Variants in CPNE3 observed in about 807,000 individuals in gnomAD.
The protein encoded by CPNE3 is copine-3.
CPNE3 carries 68 observed loss-of-function variants against 63.9 expected under a neutral mutation model. The observed-to-expected ratio is 1.06, with a 90% CI of 0.87 to 1.30. The LOEUF (loss-of-function observed/expected upper bound fraction) is 1.30. CPNE3 is among the 50% of genes most tolerant of loss of function. The probability of loss-of-function intolerance (pLI) is 0.00; values close to 1 mark genes in which losing one functional copy is unlikely to be tolerated. For missense variants in CPNE3, 665 were observed against 578.1 expected, an observed-to-expected ratio of 1.15 and a Z score of -1.54; for synonymous variants, 219 against 197.5, an observed-to-expected ratio of 1.11 and a Z score of -0.91.
At chr8:86,557,415 C>T (rs761496284) in intron 16 of CPNE3, among the ~76,000 whole-genome samples, 2 of 152,262 alleles carry the variant, frequency 1.3e-5, no homozygotes, top group East Asian at 3.9e-4. Flanking sequence ...GGATTACAGC[C>T]GTGTGCCACC....
Position 86,546,583 on chromosome 8 carries a change from C to T in CPNE3, c.733-12C>T, listed in dbSNP as rs375478922. The T allele has an allele frequency of 2.9e-5, 47 of 1,606,064 alleles. No homozygotes were observed. In the African/African-American group the frequency reaches 5.8e-4, roughly 20 times the overall value. On this transcript the variant is annotated splice_polypyrimidine_tract_variant and intron_variant, in intron 9 of 16. Coordinates refer to ENST00000517490, the MANE Select transcript of CPNE3 (RefSeq NM_003909.5). ...TAATAAAAAGTAACATTTTTGTCTT[C>T]TCTTCCTACAGGTTGAATTTGAATG...
chr8:86,546,742 C>T (rs773433754), intron 10 of CPNE3, 61 bp downstream of exon 10: 94 of 1,533,958 alleles, frequency 6.1e-5, no homozygotes, highest in Non-Finnish European at 7.6e-5. Flanking sequence ...GCTGGAGCCT[C>T]GCTCTGTTGC....
intron 7 of CPNE3, 32 bp downstream of exon 7, chr8:86,537,678 G>T: frequency 8.3e-7 from 1 of 1,211,428 alleles, no homozygotes; most frequent in Non-Finnish European, 1.2e-6. Context: ...GCAGAGTGGA[G>T]GTGTTCTTTG....
In CPNE3 at chr8:86,558,338, G is replaced by A. The variant is rs1821366724; in HGVS notation, c.1542G>A (p.Gln514=). The A allele has an allele frequency of 1.1e-6, 1 of 872,848 alleles. No homozygotes were observed. The highest frequency in any genetic ancestry group is 1.6e-5 in the African/African-American group (1 of 61,324). The allele number at this position is 872,848 out of a possible 1,614,324, so 54.1% of individuals were successfully genotyped here. The change falls in exon 17 of 17, where the codon CAG becomes CAA. Residue 514 remains glutamine, a synonymous_variant. Transcript: ENST00000517490. The stretch of plus-strand genomic sequence containing the variant: ...GTGTCTTGGCAGAGATTCCCCAGCA[G>A]GTGGTGGGCTACTTCAATACATACA... ...AQCVLAEIPQ[Q]VVGYFNTYKL...
chr8:86,541,739 A>G (rs1820946908), intron 8 of CPNE3, among the ~76,000 whole-genome samples: 1 of 151,284 alleles, frequency 6.6e-6, no homozygotes, highest in Non-Finnish European at 1.5e-5. Flanking sequence ...TTCATTACTG[A>G]GATCCATAAA....
chr8:86,556,122 T>A lies in CPNE3; in HGVS notation c.1275T>A (p.Ile425=), dbSNP rs144516282. The A allele has an allele frequency of 4.7e-4, 411 of 873,030 alleles. 2 individuals carry two copies. The highest frequency in any genetic ancestry group is 4.0e-4 in the Non-Finnish European group (201 of 501,688). 54.1% of individuals were successfully genotyped at this position (873,030 alleles called of 1,614,324 possible). ...GGCAGCAATATTTTGTGCTTTTGAT[T>A]ATTACTGATGGTGTGATCACAGACC... ...QTASQYFVLL[I]ITDGVITDLD... The change falls in exon 16 of 17, where the codon ATT becomes ATA. Residue 425 remains isoleucine (I), a synonymous_variant. Coordinates refer to ENST00000517490, the MANE Select transcript of CPNE3 (RefSeq NM_003909.5).
intron 12 of CPNE3, 27 bp from the exon 13 acceptor site, chr8:86,551,019 T>G: frequency 6.5e-7 from 1 of 1,532,308 alleles, no homozygotes; most frequent in Non-Finnish European, 8.8e-7. Flanking sequence ...AAAAACAGTA[T>G]TTTATTAAAT....
chr8:86,526,784 G>A (rs772847247), intron 2 of CPNE3, among the ~76,000 whole-genome samples: 10 of 152,160 alleles, frequency 6.6e-5, no homozygotes, highest in Non-Finnish European at 1.3e-4. Flanking sequence ...AGTGCTGGGA[G>A]TACAGGTGTG....
intron 3 of CPNE3, 91 bp downstream of exon 3, chr8:86,528,768 C>T: frequency 6.9e-7 from 1 of 1,450,702 alleles, no homozygotes; most frequent in Non-Finnish European, 9.2e-7. Context: ...ACAACACTAT[C>T]TCATCTGTTA....
chr8:86,531,338 T>G, intron 5 of CPNE3, 109 bp downstream of exon 5: 1 of 696,126 alleles, frequency 1.4e-6, no homozygotes, highest in Non-Finnish European at 2.6e-6. Context: ...TCACTCAATC[T>G]TGAATGTTGC....
chr8:86,528,945 G>A lies in CPNE3; in HGVS notation c.133G>A (p.Val45Ile). 6.2e-7 allele frequency: 1 copy of A among 1,611,748 alleles called. No individual in the cohort carries two copies. Among genetic ancestry groups the A allele is most frequent in the Non-Finnish European group, 8.5e-7 (1 of 1,179,486 alleles). The change falls in exon 4 of 17, where the codon GTT becomes ATT. Residue 45 changes from valine (V) to isoleucine (I), a missense_variant and splice_region_variant. Physicochemically the swap from Val to Ile is conservative, Grantham distance 29. Transcript: ENST00000517490. ...LNTSGQQWYE[V>I]ERTERIKNCL... ...TTTTTGTTTTTGCGGATGGGTGTAG[G>A]TTGAGCGCACAGAAAGGATTAAGAA...
intron 8 of CPNE3, among the ~76,000 whole-genome samples, chr8:86,542,742 G>A (rs7824873): frequency 0.15 from 23,374 of 151,864 alleles, 1,925 homozygotes; most frequent in Non-Finnish European, 0.19. Flanking sequence ...ACCTCATACC[G>A]TATCTGAACA....
chr8:86,523,385 T>C (rs560173292), intron 2 of CPNE3, among the ~76,000 whole-genome samples: 8 of 152,298 alleles, frequency 5.3e-5, no homozygotes, highest in African/African-American at 1.9e-4. Context: ...ACAAATAACC[T>C]GTGCCAGATG....
chr8:86,540,293 C>T lies in CPNE3; in HGVS notation c.592C>T (p.Leu198Phe), dbSNP rs763516019. ...NPVWRPFKISLNSLCYGDMDK... is the reference protein window; with the variant it reads ...NPVWRPFKISFNSLCYGDMDK... ...TGTTTGGAGGCCTTTCAAGATCTCT[C>T]TTAACTCACTGTGTTACGGAGATAT... The change falls in exon 8 of 17, where the codon CTT becomes TTT. Residue 198 changes from leucine to phenylalanine, a missense_variant. Transcript: ENST00000517490. 6.2e-7 allele frequency: 1 copy of T among 1,603,366 alleles called. No individual in the cohort carries two copies. The highest frequency in any genetic ancestry group is 1.1e-5 in the South Asian group (1 of 89,648).
At chr8:86,518,370 A>T (rs1820360482) in intron 2 of CPNE3, among the ~76,000 whole-genome samples, 1 of 152,224 alleles carries the variant, frequency 6.6e-6, no homozygotes, top group African/African-American at 2.4e-5. Context: ...CAGTCTTCAC[A>T]GGTTGGTGTA....
In CPNE3 at chr8:86,540,273, G is replaced by T. The variant is rs777831617; in HGVS notation, c.572G>T (p.Trp191Leu). The change falls in exon 8 of 17, where the codon TGG becomes TTG. Residue 191 changes from tryptophan to leucine, a missense_variant. Transcript: ENST00000517490. Reference protein sequence around the residue: ...EVVKNNLNPVWRPFKISLNSL... With the variant: ...EVVKNNLNPVLRPFKISLNSL... ...GTTAAAAACAACTTGAATCCTGTTT[G>T]GAGGCCTTTCAAGATCTCTCTTAAC... 8.7e-6 allele frequency: 14 copies of T among 1,609,396 alleles called. No homozygotes were observed. Among genetic ancestry groups the T allele is most frequent in the Middle Eastern group, 3.4e-4 (2 of 5,900 alleles).
At chr8:86,530,767 C>T (rs1454599004) in intron 4 of CPNE3, among the ~76,000 whole-genome samples, 4 of 151,132 alleles carry the variant, frequency 2.6e-5, no homozygotes, top group South Asian at 2.1e-4. Context: ...TCTTGGCTCA[C>T]TGCAACCTCT....
intron 12 of CPNE3, among the ~76,000 whole-genome samples, chr8:86,550,248 ATG>A (rs1386514695): frequency 6.6e-6 from 1 of 152,080 alleles, no homozygotes; most frequent in Non-Finnish European, 1.5e-5. Flanking sequence ...CTGGGGAAAA[ATG>A]TGTCTTTCTT....
At chr8:86,539,297 C>T (rs1820876560) in intron 7 of CPNE3, among the ~76,000 whole-genome samples, 1 of 152,076 alleles carries the variant, frequency 6.6e-6, no homozygotes, top group African/African-American at 2.4e-5. Flanking sequence ...TCTCAGTTCC[C>T]CTTGTACTTT....
Sources: allele counts gnomAD v4.1 joint callset (sites outside exome capture counted in the v4.1 genomes callset), GRCh38; gene constraint gnomAD v4.1.1; transcripts MANE v1.5; gene names NCBI Gene and HGNC (gene_info 2026-07-23, HGNC 2026-07-21).